RSF1: variants seen among roughly 807,000 people sequenced by gnomAD.
The protein encoded by RSF1 is remodeling and spacing factor 1.
Under a neutral mutation model 145.2 loss-of-function variants are expected in RSF1, and 13 were observed. That is an observed-to-expected ratio of 0.09 (90% CI 0.06 to 0.14). The LOEUF (loss-of-function observed/expected upper bound fraction) is 0.14, where lower values mean the gene tolerates loss of function less well. RSF1 is among the 10% of genes least tolerant of loss of function. The pLI, the probability that RSF1 is intolerant of heterozygous loss-of-function variation, is 1.00. For missense variants in RSF1, 1,517 were observed against 1,718.2 expected, an observed-to-expected ratio of 0.88 and a Z score of 2.07; for synonymous variants, 577 against 592.6, an observed-to-expected ratio of 0.97 and a Z score of 0.38.
At chr11:77,680,613 T>TCTAACTC (rs758166659) in intron 11 of RSF1, among the ~76,000 whole-genome samples, 1 of 152,198 alleles carries the variant, frequency 6.6e-6, no homozygotes, top group Non-Finnish European at 1.5e-5. Context: ...CCTTCTGAGT[T>TCTAACTC]AGAATATATA....
chr11:77,731,605 T>C (rs548672270), intron 4 of RSF1, among the ~76,000 whole-genome samples: 1 of 152,340 alleles, frequency 6.6e-6, no homozygotes, highest in African/African-American at 2.4e-5. Context: ...AAAACATGGT[T>C]TCATGGATCA....
At chr11:77,791,304 G>A (rs1948514741) in intron 1 of RSF1, among the ~76,000 whole-genome samples, 1 of 152,138 alleles carries the variant, frequency 6.6e-6, no homozygotes, top group African/African-American at 2.4e-5. Flanking sequence ...TTTTAGTCAT[G>A]GCTGGAGTGG....
chr11:77,792,661 C>T (rs1948531174), intron 1 of RSF1, among the ~76,000 whole-genome samples: 1 of 150,816 alleles, frequency 6.6e-6, no homozygotes, highest in Non-Finnish European at 1.5e-5. Context: ...ACAGAGATTA[C>T]ATTATCATAT....
chr11:77,765,089 T>C (rs2135938871), intron 1 of RSF1, among the ~76,000 whole-genome samples: 1 of 152,232 alleles, frequency 6.6e-6, no homozygotes, highest in East Asian at 1.9e-4. Flanking sequence ...TACTTGCTGC[T>C]TAATTTTTCT....
chr11:77,826,693 C>T, the RSF1 span, among the ~76,000 whole-genome samples: 2 of 152,216 alleles, frequency 1.3e-5, no homozygotes, highest in African/African-American at 4.8e-5. Context: ...GACCCTATAA[C>T]TGTATGCCTG....
At chr11:77,706,060 G>A (rs1197205447) in intron 5 of RSF1, among the ~76,000 whole-genome samples, 1 of 151,832 alleles carries the variant, frequency 6.6e-6, no homozygotes, top group Non-Finnish European at 1.5e-5. Flanking sequence ...AGGTCAACAC[G>A]GTGAAACCCT....
the RSF1 span, among the ~76,000 whole-genome samples, chr11:77,856,282 C>G: frequency 6.6e-6 from 1 of 152,180 alleles, no homozygotes; most frequent in Non-Finnish European, 1.5e-5. Context: ...ATCTCCGAGA[C>G]CTTCTCAGCC....
rs1959279466 is a variant in RSF1 at position 77,663,378 on chromosome 11, T to C, written c.*3539A>G. ...TTAATATGTGTACTTTGCTCAAATG[T>C]ATATTATAGGATGGGTTTCATCAAC... On this transcript the variant is annotated 3_prime_UTR_variant, in exon 16 of 16. Transcript: ENST00000308488. 6.6e-6 allele frequency: 1 copy of C among 152,214 alleles called. No homozygotes were observed. Among genetic ancestry groups the C allele is most frequent in the Non-Finnish European group, 1.5e-5 (1 of 68,028 alleles). The allele number at this position is 152,214 out of a possible 1,614,324, so 9.4% of individuals were successfully genotyped here.
At chr11:77,759,855 T>TAAA (rs11409466) in intron 2 of RSF1, among the ~76,000 whole-genome samples, 4 of 134,254 alleles carry the variant, frequency 3.0e-5, no homozygotes, top group Admixed American at 7.6e-5. Flanking sequence ...TGATGCATGT[T>TAAA]AAAAAAAAAA....
chr11:77,820,441 C>T, intron 1 of RSF1, 87 bp downstream of exon 1: 3 of 1,371,392 alleles, frequency 2.2e-6, no homozygotes, highest in Non-Finnish European at 2.9e-6. Context: ...GAGGCCCGAG[C>T]CGCGAAGAAC....
intron 4 of RSF1, among the ~76,000 whole-genome samples, chr11:77,727,233 C>A (rs551559260): frequency 6.6e-6 from 1 of 152,060 alleles, no homozygotes; most frequent in African/African-American, 2.4e-5. Flanking sequence ...TTCATTACAA[C>A]CTGCTTCTAA....
At chr11:77,737,616 TGG>T (rs3219939) in intron 4 of RSF1, among the ~76,000 whole-genome samples, 10,955 of 133,906 alleles carry the variant, frequency 0.082, 597 homozygotes, top group African/African-American at 0.091. Flanking sequence ...TTATGTGTTT[TGG>T]GGGGTGTGTG....
At chr11:77,808,943 G>A (rs894890743) in intron 1 of RSF1, among the ~76,000 whole-genome samples, 1 of 152,194 alleles carries the variant, frequency 6.6e-6, no homozygotes, top group Non-Finnish European at 1.5e-5. Context: ...AGAAGCCTAA[G>A]TGTTCAGATC....
In RSF1 at chr11:77,672,190, T is replaced by C. The variant is rs1382271466; in HGVS notation, c.3603A>G (p.Glu1201=). 1 of 1,610,064 alleles carries C rather than the reference T, an allele frequency of 6.2e-7. No individual in the cohort carries two copies. The highest frequency in any genetic ancestry group is 2.2e-5 in the East Asian group (1 of 44,876). Residue 1201 remains glutamate (E), a synonymous_variant, in exon 15 of 16, where the codon GAA becomes GAG. Transcript: ENST00000308488. ...TTCTCCTTGACCGCCTTCGCCGAGT[T>C]TCTACAAAATCATCACTAAAATCAT... ...FSDDFSDDFV[E]TRRRRSRRNQ... is the part of the protein sequence containing the mutation.
intron 5 of RSF1, among the ~76,000 whole-genome samples, chr11:77,710,450 C>G (rs1403598198): frequency 6.6e-6 from 1 of 152,116 alleles, no homozygotes; most frequent in Admixed American, 6.5e-5. Flanking sequence ...ATGTTATCCC[C>G]TCTATCCCTT....
At chr11:77,744,900 G>A (rs1947982980) in intron 3 of RSF1, among the ~76,000 whole-genome samples, 1 of 152,124 alleles carries the variant, frequency 6.6e-6, no homozygotes, top group African/African-American at 2.4e-5. Context: ...TAAATGTTTG[G>A]TAGAATTCAG....
At chr11:77,714,570 C>T (rs756590808) in intron 5 of RSF1, among the ~76,000 whole-genome samples, 1 of 152,132 alleles carries the variant, frequency 6.6e-6, no homozygotes, top group Non-Finnish European at 1.5e-5. Flanking sequence ...AGAGGCCAGG[C>T]GTGGTGACTC....
chr11:77,743,179 T>C (rs1947960271), intron 3 of RSF1, among the ~76,000 whole-genome samples: 2 of 152,180 alleles, frequency 1.3e-5, no homozygotes, highest in African/African-American at 4.8e-5. Context: ...GTATGATGCC[T>C]CCAGTTTTGT....
intron 5 of RSF1, among the ~76,000 whole-genome samples, chr11:77,712,548 T>A (rs925209593): frequency 6.6e-6 from 1 of 152,230 alleles, no homozygotes; most frequent in South Asian, 2.1e-4. Context: ...TTGTAACAGA[T>A]AAATATCCTG....
Sources: gnomAD v4.1 joint callset for allele counts (sites outside exome capture counted in the v4.1 genomes callset) on GRCh38, gnomAD v4.1.1 for gene constraint, MANE v1.5 for transcripts, NCBI Gene and HGNC (gene_info 2026-07-23, HGNC 2026-07-21) for gene names.